The following PARP15 variants were observed in gnomAD, a reference collection of about 807,000 sequenced individuals.
PARP15 encodes the protein poly(ADP-ribose) polymerase family member 15.
A neutral mutation model predicts 62.1 loss-of-function variants in PARP15; 50 were observed. That is an observed-to-expected ratio of 0.81 (90% confidence interval 0.64 to 1.02). The LOEUF is 1.02. PARP15 is among the 50% of genes least tolerant of loss of function. PARP15 has a pLI of 0.00. For synonymous variants in PARP15, 309 were observed against 293.1 expected, an observed-to-expected ratio of 1.05 and a Z score of -0.55; for missense variants, 820 against 826.5, an observed-to-expected ratio of 0.99 and a Z score of 0.10.
chr3:122,588,547 A>C (rs1013547676), intron 1 of PARP15, among the ~76,000 whole-genome samples: 1 of 152,142 alleles, frequency 6.6e-6, no homozygotes, highest in Non-Finnish European at 1.5e-5. Context: ...AATCCCTGCT[A>C]CTTCAGAAGC....
At chr3:122,579,241 A>G (rs887505715) in intron 1 of PARP15, among the ~76,000 whole-genome samples, 1 of 152,130 alleles carries the variant, frequency 6.6e-6, no homozygotes, top group African/African-American at 2.4e-5. Flanking sequence ...CACATAAAAC[A>G]TTTCAATTTT....
chr3:122,592,003 T>A (rs1933964775), intron 1 of PARP15, among the ~76,000 whole-genome samples: 1 of 152,166 alleles, frequency 6.6e-6, no homozygotes. Context: ...GAATGTAAAT[T>A]AGTTCAACCA....
intron 1 of PARP15, among the ~76,000 whole-genome samples, chr3:122,597,935 T>G (rs753001200): frequency 3.3e-5 from 5 of 152,250 alleles, no homozygotes; most frequent in Non-Finnish European, 5.9e-5. Flanking sequence ...CCTAATGCAG[T>G]GTAAATGCTA....
chr3:122,608,092 A>G (rs938161458), intron 2 of PARP15, among the ~76,000 whole-genome samples: 1 of 151,808 alleles, frequency 6.6e-6, no homozygotes, highest in African/African-American at 2.4e-5. Flanking sequence ...CAAGTACTCC[A>G]TCGTCTGGCC....
intron 10 of PARP15, among the ~76,000 whole-genome samples, chr3:122,632,860 C>G (rs967696536): frequency 3.3e-5 from 5 of 152,178 alleles, no homozygotes; most frequent in Non-Finnish European, 7.3e-5. Flanking sequence ...TAGACTCCAT[C>G]CTAGAACTAT....
At position 122,635,087 on chromosome 3, in the gene PARP15, A is replaced by G. The variant is rs368142816; in HGVS notation, c.1640A>G (p.Lys547Arg). 2 of 1,614,148 alleles carry G rather than the reference A, an allele frequency of 1.2e-6. No homozygotes were observed. The highest frequency in any genetic ancestry group is 1.3e-5 in the African/African-American group (1 of 75,058). ...GTAAAGAAAAGGCAAATGGATATCA[A>G]GAATGACCATAAGAATAATGAGAGA... ...YQVKKRQMDI[K>R]NDHKNNERLL... is the part of the protein sequence containing the mutation. Residue 547 changes from lysine to arginine, a missense_variant, in exon 11 of 12, where the codon AAG becomes AGG. By Grantham distance (26) the Lys-to-Arg change is conservative. Around this residue, in one of 3 missense-constraint regions of PARP15, gnomAD observed 731 missense variants for 727.7 expected, o/e 1.00. Coordinates refer to ENST00000464300, the MANE Select transcript of PARP15 (RefSeq NM_001113523.3).
At chr3:122,614,162 A>C (rs1935779422) in intron 4 of PARP15, among the ~76,000 whole-genome samples, 1 of 152,142 alleles carries the variant, frequency 6.6e-6, no homozygotes, top group Non-Finnish European at 1.5e-5. Flanking sequence ...ATCAAGTGTA[A>C]GATGAGTGTG....
At chr3:122,610,873 G>A in intron 3 of PARP15, 143 bp downstream of exon 3, 1 of 610,298 alleles carries the variant, frequency 1.6e-6, no homozygotes, top group Non-Finnish European at 2.7e-6. Context: ...TATCTAGTGG[G>A]TAGAAGCGAG....
intron 1 of PARP15, among the ~76,000 whole-genome samples, chr3:122,589,216 C>G (rs1933680937): frequency 1.3e-5 from 2 of 152,164 alleles, no homozygotes; most frequent in African/African-American, 4.8e-5. Flanking sequence ...CTTGCTGTTT[C>G]CTCACATGGG....
chr3:122,628,079 CT>C (rs1936845389), intron 9 of PARP15, among the ~76,000 whole-genome samples: 1 of 152,224 alleles, frequency 6.6e-6, no homozygotes, highest in Admixed American at 6.5e-5. Flanking sequence ...GCTATGTTGT[CT>C]TTTTCCTCAA....
At chr3:122,607,529 CA>C (rs923130334) in intron 2 of PARP15, among the ~76,000 whole-genome samples, 4 of 151,986 alleles carry the variant, frequency 2.6e-5, no homozygotes, top group East Asian at 1.9e-4. Context: ...AATAAGGACT[CA>C]AAAAAATGAT....
At chr3:122,627,214 A>G (rs950798098) in intron 9 of PARP15, among the ~76,000 whole-genome samples, 181 bp downstream of exon 9, 2 of 152,206 alleles carry the variant, frequency 1.3e-5, no homozygotes, top group Non-Finnish European at 2.9e-5. Flanking sequence ...TCAACTGATT[A>G]TTTTCCTGAG....
At chr3:122,615,491 G>T in intron 4 of PARP15, 1 of 1,216,988 alleles carries the variant, frequency 8.2e-7, no homozygotes, top group Non-Finnish European at 1.1e-6. Flanking sequence ...AACGATAGTG[G>T]TCACAAAAAA....
intron 10 of PARP15, among the ~76,000 whole-genome samples, chr3:122,632,608 T>G (rs575270015): frequency 6.6e-6 from 1 of 152,358 alleles, no homozygotes; most frequent in South Asian, 2.1e-4. Flanking sequence ...AGCTTTGTTT[T>G]AAGGCTGGAC....
intron 4 of PARP15, 72 bp from the exon 5 acceptor site, chr3:122,615,707 T>G: frequency 6.2e-7 from 1 of 1,605,024 alleles, no homozygotes; most frequent in Non-Finnish European, 8.5e-7. Context: ...TATCTGATGA[T>G]CAATGCTCCA....
At chr3:122,610,442 C>T in intron 2 of PARP15, 52 bp from the exon 3 acceptor site, 1 of 1,433,806 alleles carries the variant, frequency 7.0e-7, no homozygotes, top group South Asian at 1.3e-5. Flanking sequence ...TACAGTTGCT[C>T]CATCATTATG....
chr3:122,579,510 C>T (rs1271171517), intron 1 of PARP15, among the ~76,000 whole-genome samples: 1 of 152,120 alleles, frequency 6.6e-6, no homozygotes, highest in Non-Finnish European at 1.5e-5. Flanking sequence ...GAGCTCCTGG[C>T]AACCACTAGG....
At position 122,639,034 on chromosome 3, in the gene PARP15, C is replaced by T. The variant is rs1225314445; in HGVS notation, c.*2934C>T. The T allele has an allele frequency of 1.3e-5, 2 of 152,042 alleles. No individual in the cohort carries two copies. Among genetic ancestry groups the T allele is most frequent in the South Asian group, 2.1e-4 (1 of 4,828 alleles). The allele number at this position is 152,042 out of a possible 1,614,324, so 9.4% of individuals were successfully genotyped here. ...ATTTTCCTCGTCATTAAATATTTTA[C>T]GTATCATTTTTAATGGTTGCACCGT... is the stretch of plus-strand genomic sequence containing the variant. On this transcript the variant is annotated 3_prime_UTR_variant, in exon 12 of 12. Coordinates refer to ENST00000464300, the MANE Select transcript of PARP15 (RefSeq NM_001113523.3).
At position 122,622,042 on chromosome 3, in the gene PARP15, G is replaced by T. The variant is rs974782146; in HGVS notation, c.1231+431G>T. On this transcript the variant is annotated intron_variant, in intron 8 of 11. Transcript: ENST00000464300. ...TCAAACTCCTAGGCTCAAGCAATCCGCCTGCCTCAGCCTCCCTAAGTGCTG... is the reference window on the plus strand; with the variant it reads ...TCAAACTCCTAGGCTCAAGCAATCCTCCTGCCTCAGCCTCCCTAAGTGCTG... Among the ~76,000 whole-genome samples, 4 of 152,062 alleles carry T rather than the reference G, an allele frequency of 2.6e-5. No individual in the cohort carries two copies. The South Asian group carries it at 6.2e-4, about 24-fold the overall frequency.
Sources: allele counts gnomAD v4.1 joint callset (sites outside exome capture counted in the v4.1 genomes callset), GRCh38; gene constraint gnomAD v4.1.1; regional missense constraint gnomAD v4.1.1; transcripts MANE v1.5; gene names NCBI Gene and HGNC (gene_info 2026-07-23, HGNC 2026-07-21).